The following CELF4 variants were observed in gnomAD, a reference collection of about 807,000 sequenced individuals.
The protein encoded by CELF4 is CUGBP Elav-like family member 4, also known as CUG-BP- and ETR-3-like factor 4.
In CELF4, 18 loss-of-function variants were observed where a neutral mutation model predicts 59.9. The observed-to-expected ratio is 0.30, with a 90% confidence interval of 0.21 to 0.45. The LOEUF is 0.45. Ranked by LOEUF, CELF4 falls within the 20% of genes least tolerant of loss-of-function variation. The pLI, the probability that CELF4 is intolerant of heterozygous loss-of-function variation, is 1.00. For missense variants in CELF4, 456 were observed against 689.0 expected, an observed-to-expected ratio of 0.66 and a Z score of 3.79; for synonymous variants, 261 against 267.1, an observed-to-expected ratio of 0.98 and a Z score of 0.22.
intron 2 of CELF4, among the ~76,000 whole-genome samples, chr18:37,387,308 TC>T (rs1269719516): frequency 5.3e-5 from 8 of 152,162 alleles, no homozygotes; most frequent in African/African-American, 1.9e-4. Context: ...CCTTGCTCCC[TC>T]CCCAAACCAG....
At chr18:37,385,097 A>G (rs2099084538) in intron 2 of CELF4, among the ~76,000 whole-genome samples, 1 of 152,172 alleles carries the variant, frequency 6.6e-6, no homozygotes, top group Admixed American at 6.5e-5. Context: ...CTGTAATCCC[A>G]GCACTTTGGG....
chr18:37,369,326 G>A (rs1002987824), intron 2 of CELF4, among the ~76,000 whole-genome samples: 4 of 152,128 alleles, frequency 2.6e-5, no homozygotes, highest in African/African-American at 9.7e-5. Context: ...ATTGCCTCCA[G>A]GTGCCTCCTT....
intron 1 of CELF4, among the ~76,000 whole-genome samples, chr18:37,562,732 G>A (rs1050660075): frequency 3.9e-5 from 6 of 152,138 alleles, no homozygotes; most frequent in Admixed American, 1.3e-4. Flanking sequence ...CTCCATCACC[G>A]AAGAAGGAGT....
At chr18:37,502,604 C>G (rs761108634) in intron 1 of CELF4, among the ~76,000 whole-genome samples, 2 of 152,178 alleles carry the variant, frequency 1.3e-5, no homozygotes, top group Non-Finnish European at 2.9e-5. Flanking sequence ...GGCCCGGGCC[C>G]CACTGCACTG....
At chr18:37,521,561 AG>A (rs1799086067) in intron 1 of CELF4, among the ~76,000 whole-genome samples, 1 of 152,206 alleles carries the variant, frequency 6.6e-6, no homozygotes, top group South Asian at 2.1e-4. Flanking sequence ...CTGGAGTATA[AG>A]GTGAAATTGA....
At chr18:37,458,533 C>T (rs1208810639) in intron 2 of CELF4, among the ~76,000 whole-genome samples, 1 of 152,254 alleles carries the variant, frequency 6.6e-6, no homozygotes, top group African/African-American at 2.4e-5. Context: ...GGGACCAACA[C>T]ATAGGAGACC....
At chr18:37,519,288 C>A (rs911424288) in intron 1 of CELF4, among the ~76,000 whole-genome samples, 3 of 152,094 alleles carry the variant, frequency 2.0e-5, no homozygotes, top group Non-Finnish European at 4.4e-5. Flanking sequence ...GGGTCCTGAG[C>A]CAGCCAGGTG....
At chr18:37,352,534 A>C (rs1343656375) in intron 2 of CELF4, among the ~76,000 whole-genome samples, 5 of 152,024 alleles carry the variant, frequency 3.3e-5, no homozygotes, top group Non-Finnish European at 5.9e-5. Context: ...TCGAGACTGC[A>C]GTGAGCTATG....
At chr18:37,475,408 C>G (rs1236896132) in intron 2 of CELF4, among the ~76,000 whole-genome samples, 1 of 152,164 alleles carries the variant, frequency 6.6e-6, no homozygotes, top group Non-Finnish European at 1.5e-5. Context: ...CTAACAGACC[C>G]CAGTGATGCT....
intron 1 of CELF4, among the ~76,000 whole-genome samples, chr18:37,500,327 G>A (rs2099930125): frequency 6.6e-6 from 1 of 152,102 alleles, no homozygotes; most frequent in South Asian, 2.1e-4. Flanking sequence ...CACCTTGAGA[G>A]GATCCAGGGA....
intron 3 of CELF4, among the ~76,000 whole-genome samples, chr18:37,302,444 A>G (rs1464559249): frequency 6.6e-6 from 1 of 152,218 alleles, no homozygotes. Context: ...CCCCAACATC[A>G]GCCAGCAACA....
intron 1 of CELF4, among the ~76,000 whole-genome samples, chr18:37,507,984 C>T (rs2099940058): frequency 6.6e-6 from 1 of 152,204 alleles, no homozygotes; most frequent in Non-Finnish European, 1.5e-5. Flanking sequence ...AAGTGGATTC[C>T]TCCTCTCCAC....
At chr18:37,374,666 C>G (rs1401176665) in intron 2 of CELF4, among the ~76,000 whole-genome samples, 6 of 152,180 alleles carry the variant, frequency 3.9e-5, no homozygotes, top group Admixed American at 6.5e-5. Context: ...CTGAGTCAGT[C>G]TCTGATGGAA....
At chr18:37,374,870 T>TG (rs2098947958) in intron 2 of CELF4, among the ~76,000 whole-genome samples, 1 of 151,954 alleles carries the variant, frequency 6.6e-6, no homozygotes, top group African/African-American at 2.4e-5. Context: ...CTCTAAATGG[T>TG]GGGAGGAGGT....
At chr18:37,550,475 C>A (rs777488386) in intron 1 of CELF4, among the ~76,000 whole-genome samples, 1 of 152,208 alleles carries the variant, frequency 6.6e-6, no homozygotes, top group Admixed American at 6.5e-5. Flanking sequence ...CTGCCCTGTA[C>A]CCAGACCAAG....
chr18:37,288,658 G>T (rs1307261784), intron 3 of CELF4, among the ~76,000 whole-genome samples: 1 of 152,182 alleles, frequency 6.6e-6, no homozygotes, highest in Non-Finnish European at 1.5e-5. Context: ...TGGTCATGAG[G>T]CCCTGCTGAG....
rs566913326 is a variant in CELF4, at chr18:37,485,350, T to C, written c.369+175A>G. 3.9e-3 allele frequency among the ~76,000 whole-genome samples: 583 copies of C among 151,366 alleles called. 4 individuals are homozygous for C. The highest frequency in any genetic ancestry group is 0.013 in the African/African-American group (555 of 41,356). Reference sequence around the variant, plus strand: ...AGTGGGGCCCCTGTCCCGGATCCCGTTGGGCCCGGACGGCCGAGAGCCCAG... The same window carrying C: ...AGTGGGGCCCCTGTCCCGGATCCCGCTGGGCCCGGACGGCCGAGAGCCCAG... On this transcript the variant is annotated intron_variant, in intron 2 of 12. Coordinates refer to ENST00000420428, the MANE Select transcript of CELF4 (RefSeq NM_020180.4).
chr18:37,294,880 C>T (rs748269452), intron 3 of CELF4, among the ~76,000 whole-genome samples: 1 of 152,316 alleles, frequency 6.6e-6, no homozygotes, highest in African/African-American at 2.4e-5. Context: ...CAACATTTCC[C>T]ATCCTGAAGA....
At chr18:37,414,303 C>T (rs916313124) in intron 2 of CELF4, among the ~76,000 whole-genome samples, 1 of 151,720 alleles carries the variant, frequency 6.6e-6, no homozygotes, top group Non-Finnish European at 1.5e-5. Context: ...TCCACTCACC[C>T]ATCTACCCAC....
Sources: allele counts gnomAD v4.1 joint callset (sites outside exome capture counted in the v4.1 genomes callset), GRCh38; gene constraint gnomAD v4.1.1; transcripts MANE v1.5; gene names NCBI Gene and HGNC (gene_info 2026-07-23, HGNC 2026-07-21).